NPIPB2: variants seen among roughly 807,000 people sequenced by gnomAD.
NPIPB2 encodes the protein nuclear pore complex-interacting protein family member B2.
NPIPB2 carries 27 observed loss-of-function variants against 30.8 expected under a neutral mutation model. The ratio of observed to expected loss-of-function variants is 0.88; its 90% CI spans 0.65 to 1.21. The LOEUF (loss-of-function observed/expected upper bound fraction) is 1.21, where lower values mean the gene tolerates loss of function less well. Ranked by LOEUF, NPIPB2 falls within the 50% of genes most tolerant of loss-of-function variation. The probability of loss-of-function intolerance (pLI) is 0.00; values close to 1 mark genes in which losing one functional copy is unlikely to be tolerated. For missense variants in NPIPB2, 440 were observed against 446.2 expected, an observed-to-expected ratio of 0.99 and a Z score of 0.13; for synonymous variants, 147 against 162.0, an observed-to-expected ratio of 0.91 and a Z score of 0.70.
Position 11,957,938 on chromosome 16 carries a change from G to A in NPIPB2, c.-583-15824C>T, listed in dbSNP as rs74454930. ...CTCCTTTTGGTTCTATTTCTCTGGA[G>A]AATTCTACTGATACTTAGATATTCC... is the stretch of plus-strand genomic sequence containing the variant. On this transcript the variant is annotated intron_variant, in intron 1 of 5. Transcript: ENST00000538896. 6.8e-3 allele frequency among the ~76,000 whole-genome samples: 1,034 copies of A among 152,260 alleles called. 11 individuals carry two copies. Among genetic ancestry groups the A allele is most frequent in the African/African-American group, 0.024 (987 of 41,560 alleles).
chr16:11,966,317 T>C (rs2055193566), intron 1 of NPIPB2: 19 of 1,612,586 alleles, frequency 1.2e-5, no homozygotes, highest in East Asian at 1.1e-4. Context: ...CTCTGAACCA[T>C]TAAAGGACGA....
At chr16:11,927,823 G>A (rs2054750586) in exon 8 of NPIPB2, 3 of 1,376,298 alleles carry the variant, frequency 2.2e-6, no homozygotes, top group African/African-American at 1.4e-5. Context: ...CAGCTGTGAG[G>A]TAGGGCCAGT....
At chr16:11,947,322 T>TTATTTA (rs144577397) in intron 1 of NPIPB2, among the ~76,000 whole-genome samples, 1,911 of 119,908 alleles carry the variant, frequency 0.016, 14 homozygotes, top group Middle Eastern at 0.02. Flanking sequence ...ATTTATTTAT[T>TTATTTA]TATATATATA....
chr16:11,971,856 T>C (rs1175259910), intron 1 of NPIPB2, among the ~76,000 whole-genome samples: 1 of 151,946 alleles, frequency 6.6e-6, no homozygotes, highest in Non-Finnish European at 1.5e-5. Context: ...GGTCTAAAGA[T>C]TTAGAATCAG....
At chr16:11,947,314 TTATTTATTTA>T (rs2055020610) in intron 1 of NPIPB2, among the ~76,000 whole-genome samples, 4 of 71,252 alleles carry the variant, frequency 5.6e-5, no homozygotes, top group African/African-American at 1.3e-4. Context: ...ATTTATTTAT[TTATTTATTTA>T]TATATATATA....
chr16:11,943,371 A>G (rs1227827104), upstream of NPIPB2, among the ~76,000 whole-genome samples: 2 of 152,082 alleles, frequency 1.3e-5, no homozygotes, highest in Non-Finnish European at 2.9e-5. Context: ...TAACAAAACT[A>G]TGGAATTCAA....
intron 1 of NPIPB2, among the ~76,000 whole-genome samples, chr16:11,959,544 CACCCAACT>C (rs1480554583): frequency 6.6e-6 from 1 of 151,900 alleles, no homozygotes. Context: ...GAGCTGTGAT[CACCCAACT>C]ACCTCTAACC....
intron 1 of NPIPB2, among the ~76,000 whole-genome samples, chr16:11,938,512 G>T (rs1324913191): frequency 3.3e-5 from 5 of 151,524 alleles, no homozygotes; most frequent in African/African-American, 1.2e-4. Context: ...TGTATTTTCT[G>T]TGGAGATGGG....
At chr16:11,943,920 C>T (rs1182006316), upstream of NPIPB2, among the ~76,000 whole-genome samples, 2 of 128,328 alleles carry the variant, frequency 1.6e-5, no homozygotes, top group Non-Finnish European at 3.1e-5. Context: ...ATGGCGTGAA[C>T]CTGGGAGGTG....
chr16:11,974,249 G>A (rs867706182), intron 1 of NPIPB2, among the ~76,000 whole-genome samples: 2 of 152,310 alleles, frequency 1.3e-5, no homozygotes, highest in Middle Eastern at 6.8e-3. Context: ...TGGGGTTGGT[G>A]GCTCATGCCT....
chr16:11,967,183 G>A (rs889019611), intron 1 of NPIPB2: 1 of 194,522 alleles, frequency 5.1e-6, no homozygotes, highest in African/African-American at 2.4e-5. Flanking sequence ...GTACTTTTTG[G>A]TAGAGACAGG....
chr16:11,958,070 T>C (rs12923741), intron 1 of NPIPB2, among the ~76,000 whole-genome samples: 33 of 152,144 alleles, frequency 2.2e-4, no homozygotes, highest in Non-Finnish European at 4.3e-4. Flanking sequence ...ATGAGAACTT[T>C]CTAACATTGT....
rs1208121158 is a variant in NPIPB2, at chr16:11,953,672, G to C, written c.-583-11558C>G. ...GCCTGAGATACAACTATTTTTCTTA[G>C]TTTATTTTTTGCTTTCAGATCATCC... On this transcript the variant is annotated intron_variant, in intron 1 of 5. Transcript: ENST00000538896. Among the ~76,000 whole-genome samples the C allele has an allele frequency of 2.1e-5, 3 of 144,916 alleles. No individual in the cohort carries two copies. The East Asian group carries it at 6.2e-4, about 30-fold the overall frequency.
At chr16:11,975,079 A>G (rs1347532180) in intron 1 of NPIPB2, among the ~76,000 whole-genome samples, 1 of 149,082 alleles carries the variant, frequency 6.7e-6, no homozygotes, top group African/African-American at 2.5e-5. Context: ...CGTCTCAAAA[A>G]CAAAACAAAA....
intron 1 of NPIPB2, among the ~76,000 whole-genome samples, chr16:11,970,397 C>T (rs1369083481): frequency 6.6e-6 from 1 of 151,782 alleles, no homozygotes; most frequent in Non-Finnish European, 1.5e-5. Context: ...ATTTTTACTA[C>T]AGATGGGGTT....
intron 1 of NPIPB2, among the ~76,000 whole-genome samples, chr16:11,948,185 C>T (rs1165724028): frequency 3.3e-5 from 5 of 151,576 alleles, no homozygotes; most frequent in Non-Finnish European, 5.9e-5. Context: ...GGCCATGGGA[C>T]TGAAGGTGCC....
At chr16:11,969,354 T>G (rs1358135913) in intron 1 of NPIPB2, among the ~76,000 whole-genome samples, 1 of 151,766 alleles carries the variant, frequency 6.6e-6, no homozygotes, top group Non-Finnish European at 1.5e-5. Context: ...GCCTCCCGGG[T>G]TCAAGCAATT....
At chr16:11,937,649 T>G (rs769396235) in exon 2 of NPIPB2, 57 of 1,599,072 alleles carry the variant, frequency 3.6e-5, no homozygotes, top group Non-Finnish European at 4.5e-5. Context: ...ATGATGATGG[T>G]CAGCCAGAGT....
chr16:11,948,008 G>A (rs938153558), intron 1 of NPIPB2, among the ~76,000 whole-genome samples: 1 of 148,342 alleles, frequency 6.7e-6, no homozygotes, highest in Admixed American at 6.9e-5. Flanking sequence ...CTGGCCACTA[G>A]ATACAGACCC....
Sources: gnomAD v4.1 joint callset for allele counts (sites outside exome capture counted in the v4.1 genomes callset) on GRCh38, gnomAD v4.1.1 for gene constraint, MANE v1.5 for transcripts, NCBI Gene and HGNC (gene_info 2026-07-23, HGNC 2026-07-21) for gene names.